ATG13: variants seen among roughly 807,000 people sequenced by gnomAD.
The protein encoded by ATG13 is autophagy-related protein 13.
ATG13 carries 23 observed loss-of-function variants against 65.5 expected under a neutral mutation model. The observed-to-expected ratio is 0.35, with a 90% confidence interval of 0.25 to 0.50. ATG13 has a LOEUF of 0.50. Ranked by LOEUF, ATG13 falls within the 20% of genes least tolerant of loss-of-function variation. The pLI, the probability that ATG13 is intolerant of heterozygous loss-of-function variation, is 0.98. For missense variants in ATG13, 566 were observed against 677.0 expected, an observed-to-expected ratio of 0.84 and a Z score of 1.82; for synonymous variants, 252 against 245.2, an observed-to-expected ratio of 1.03 and a Z score of -0.26.
chr11:46,665,275 G>A, intron 13 of ATG13, 108 bp from the exon 14 acceptor site: 1 of 1,380,746 alleles, frequency 7.2e-7, no homozygotes. Context: ...CTTGGTGGCA[G>A]CGTTGGTGAT....
chr11:46,632,287 C>A (rs983296854), intron 2 of ATG13: 3 of 152,036 alleles, frequency 2.0e-5, no homozygotes, highest in Admixed American at 2.0e-4. Context: ...TTGTGAAAAT[C>A]TGAAATTATA....
chr11:46,631,954 T>C (rs2051926306), intron 2 of ATG13, among the ~76,000 whole-genome samples: 1 of 152,208 alleles, frequency 6.6e-6, no homozygotes, highest in Middle Eastern at 3.2e-3. Context: ...CAAAGTGTTA[T>C]TTGTTAGGAA....
At chr11:46,657,015 AAAT>A in intron 8 of ATG13, 77 bp from the exon 9 acceptor site, 2 of 1,241,536 alleles carry the variant, frequency 1.6e-6, no homozygotes, top group South Asian at 2.4e-5. Flanking sequence ...ACAATAGGCC[AAAT>A]AATTCAGGGA....
Position 46,645,944 on chromosome 11 carries a change from A to G in ATG13, c.225A>G (p.Ala75=), listed in dbSNP as rs750542688. The G allele has an allele frequency of 6.2e-7, 1 of 1,614,220 alleles. No individual in the cohort carries two copies. Among genetic ancestry groups the G allele is most frequent in the East Asian group, 2.2e-5 (1 of 44,884 alleles). ...AKKALAGQLP[A]VGRSMCVEIS... is the part of the protein sequence containing the mutation. ...AGGCACTGGCAGGACAGCTGCCTGCAGTCGGGAGGTCCATGTGTGTGGAGA... is the reference window on the plus strand; with the variant it reads ...AGGCACTGGCAGGACAGCTGCCTGCGGTCGGGAGGTCCATGTGTGTGGAGA... Residue 75 remains alanine (A), a synonymous_variant, in exon 5 of 19, where the codon GCA becomes GCG. Coordinates refer to ENST00000683050, the MANE Select transcript of ATG13 (RefSeq NM_001346311.2).
intron 11 of ATG13, among the ~76,000 whole-genome samples, chr11:46,662,921 C>G (rs534238905): frequency 6.6e-6 from 1 of 152,204 alleles, no homozygotes; most frequent in East Asian, 1.9e-4. Context: ...ACTGTGTGGC[C>G]TAAGGTCCTG....
intron 2 of ATG13, among the ~76,000 whole-genome samples, chr11:46,640,054 A>C (rs1362922564): frequency 6.6e-6 from 1 of 151,894 alleles, no homozygotes; most frequent in African/African-American, 2.4e-5. Context: ...CATGTTGCCC[A>C]GGCTGGTCTC....
intron 2 of ATG13, among the ~76,000 whole-genome samples, chr11:46,633,371 G>A (rs749367832): frequency 3.3e-5 from 5 of 151,134 alleles, no homozygotes; most frequent in Non-Finnish European, 5.9e-5. Flanking sequence ...TTTTGGAGAC[G>A]GAGTTTTGCT....
At chr11:46,652,481 G>A (rs1444464715) in intron 7 of ATG13, among the ~76,000 whole-genome samples, 1 of 152,204 alleles carries the variant, frequency 6.6e-6, no homozygotes, top group South Asian at 2.1e-4. Flanking sequence ...TTGGGAGGCC[G>A]AGGCAGGAGG....
rs558536766 is a variant in ATG13 at position 46,640,708 on chromosome 11, A to T, written c.-13-3571A>T. ...TAGGATATCCAAATTGCTAATAAGC[A>T]CATGAAAAGGTGCTAATAGGGGAAA... On this transcript the variant is annotated intron_variant, in intron 2 of 18. Coordinates refer to ENST00000683050, the MANE Select transcript of ATG13 (RefSeq NM_001346311.2). Among the ~76,000 whole-genome samples, 12 of 152,368 alleles carry T rather than the reference A, an allele frequency of 7.9e-5. No individual in the cohort carries two copies. In the East Asian group the frequency reaches 2.3e-3, roughly 29 times the overall value.
intron 5 of ATG13, among the ~76,000 whole-genome samples, chr11:46,648,472 C>T (rs765096534): frequency 1.8e-4 from 27 of 151,408 alleles, no homozygotes; most frequent in Non-Finnish European, 2.9e-4. Context: ...AAGATACCCC[C>T]AAAAAAGAAT....
In ATG13 at chr11:46,656,398, A is replaced by C. The variant is rs2060053603; in HGVS notation, c.499+125A>C. ...TAATATGCATAATACAAGTAAAGAA[A>C]AGATGAGAATGCAGGTAGGTGGTCC... On this transcript the variant is annotated intron_variant, in intron 8 of 18. Transcript: ENST00000683050. 5.9e-6 allele frequency: 6 copies of C among 1,019,758 alleles called. No individual in the cohort carries two copies. In the East Asian group the frequency reaches 1.5e-4, roughly 26 times the overall value. 63.2% of individuals were successfully genotyped at this position (1,019,758 alleles called of 1,614,324 possible).
chr11:46,666,043 G>T (rs2062278230), intron 14 of ATG13, among the ~76,000 whole-genome samples: 1 of 152,104 alleles, frequency 6.6e-6, no homozygotes, highest in Admixed American at 6.6e-5. Context: ...CTGGCTTCCA[G>T]TGATCCTCCC....
chr11:46,644,490 C>T, intron 3 of ATG13, 130 bp downstream of exon 3: 3 of 719,488 alleles, frequency 4.2e-6, no homozygotes, highest in Non-Finnish European at 6.6e-6. Context: ...ATACTTCTGT[C>T]TGTTGTCAAC....
intron 7 of ATG13, among the ~76,000 whole-genome samples, chr11:46,650,651 G>A (rs1420898215): frequency 6.6e-6 from 1 of 152,194 alleles, no homozygotes; most frequent in African/African-American, 2.4e-5. Flanking sequence ...CATCGCCCAG[G>A]TTAGAGTGCA....
chr11:46,634,136 G>A (rs201476487), intron 2 of ATG13, among the ~76,000 whole-genome samples: 3 of 150,324 alleles, frequency 2.0e-5, no homozygotes, highest in East Asian at 3.9e-4. Flanking sequence ...TTGCTCTATC[G>A]CCAGGCTAGA....
chr11:46,665,240 A>G (rs1027913777), intron 13 of ATG13, 143 bp from the exon 14 acceptor site: 2 of 1,055,160 alleles, frequency 1.9e-6, no homozygotes, highest in Admixed American at 2.4e-5. Context: ...TTCAGAGAGG[A>G]TAAAGATCCA....
intron 2 of ATG13, among the ~76,000 whole-genome samples, chr11:46,634,247 C>T (rs2053084990): frequency 6.6e-6 from 1 of 151,908 alleles, no homozygotes. Flanking sequence ...AGGCATGCAC[C>T]GCCACACCCA....
At chr11:46,660,051 A>G (rs1282869844) in intron 11 of ATG13, 1 of 152,550 alleles carries the variant, frequency 6.6e-6, no homozygotes, top group African/African-American at 2.4e-5. Context: ...CAGCTTCCCC[A>G]GAGAAAGCAC....
chr11:46,629,014 C>A (rs2050723051), intron 1 of ATG13, among the ~76,000 whole-genome samples: 1 of 150,598 alleles, frequency 6.6e-6, no homozygotes, highest in Admixed American at 6.7e-5. Flanking sequence ...GCGATCTTGG[C>A]TCACTACAAC....
Sources: allele counts gnomAD v4.1 joint callset (sites outside exome capture counted in the v4.1 genomes callset), GRCh38; gene constraint gnomAD v4.1.1; transcripts MANE v1.5; gene names NCBI Gene and HGNC (gene_info 2026-07-23, HGNC 2026-07-21).